Variants in PDZRN3 observed in about 807,000 individuals in gnomAD.
The protein encoded by PDZRN3 is E3 ubiquitin-protein ligase PDZRN3.
In PDZRN3, 38 loss-of-function variants were observed where a neutral mutation model predicts 85.7. The ratio of observed to expected loss-of-function variants is 0.44; its 90% CI spans 0.34 to 0.58. The LOEUF (loss-of-function observed/expected upper bound fraction) is 0.58, where lower values mean the gene tolerates loss of function less well. Among genes scored for constraint, PDZRN3 ranks in the 20% least tolerant of loss-of-function variants. The pLI, the probability that PDZRN3 is intolerant of heterozygous loss-of-function variation, is 0.01. For synonymous variants in PDZRN3, 759 were observed against 638.0 expected (o/e 1.19, Z -2.86); for missense variants, 1,629 against 1,506.4 (o/e 1.08, Z -1.35).
intron 3 of PDZRN3, among the ~76,000 whole-genome samples, chr3:73,556,291 T>A (rs1274395141): frequency 6.6e-6 from 1 of 151,992 alleles, no homozygotes; most frequent in African/African-American, 2.4e-5. Context: ...ACTAAGGATA[T>A]AAAAGTTATA....
rs777378197 is a variant in PDZRN3, at chr3:73,383,964, A to T, written c.2602T>A (p.Tyr868Asn). 19 of 1,598,306 alleles carry T rather than the reference A, an allele frequency of 1.2e-5. No individual in the cohort carries two copies. In the African/African-American group the frequency reaches 2.0e-4, roughly 17 times the overall value. Residue 868 changes from tyrosine (Y) to asparagine (N), a missense_variant, in exon 10 of 10, where the codon TAC (tyrosine) becomes AAC (asparagine). Physicochemically the swap from Tyr to Asn is moderately radical, Grantham distance 143. Transcript: ENST00000263666. ...TGCGCCGGGATGTGCGCGTGCTTGT[A>T]TGGGGAGTGGTGATAGGAGGGCAGG... Reference protein sequence around the residue: ...AYLPSYHHSPYKHAHIPAHAQ... With the variant: ...AYLPSYHHSPNKHAHIPAHAQ...
At chr3:73,397,355 G>C (rs1701660378) in intron 5 of PDZRN3, among the ~76,000 whole-genome samples, 1 of 152,142 alleles carries the variant, frequency 6.6e-6, no homozygotes, top group Admixed American at 6.5e-5. Flanking sequence ...TGTTGAGATT[G>C]GCCCCTTACT....
chr3:73,546,747 T>C (rs1356745496), intron 3 of PDZRN3, among the ~76,000 whole-genome samples: 1 of 152,234 alleles, frequency 6.6e-6, no homozygotes, highest in East Asian at 1.9e-4. Context: ...TTAAATGCAG[T>C]GTCTTCACGC....
chr3:73,605,487 A>C (rs1037777972), intron 2 of PDZRN3, among the ~76,000 whole-genome samples: 9 of 152,220 alleles, frequency 5.9e-5, no homozygotes, highest in African/African-American at 2.2e-4. Context: ...AGGACTAACA[A>C]ATGAATGATA....
At chr3:73,434,441 A>G (rs571365313) in intron 3 of PDZRN3, among the ~76,000 whole-genome samples, 11 of 152,222 alleles carry the variant, frequency 7.2e-5, no homozygotes, top group Non-Finnish European at 1.3e-4. Flanking sequence ...TATGAATAAA[A>G]TATAAAAATT....
chr3:73,600,439 G>GA (rs1702500276), intron 3 of PDZRN3, among the ~76,000 whole-genome samples: 1 of 151,180 alleles, frequency 6.6e-6, no homozygotes, highest in South Asian at 2.1e-4. Context: ...CATATTTTCA[G>GA]TCATGGGAAT....
chr3:73,396,852 T>C (rs902357244), intron 5 of PDZRN3, among the ~76,000 whole-genome samples: 9 of 151,994 alleles, frequency 5.9e-5, no homozygotes, highest in African/African-American at 2.2e-4. Flanking sequence ...AGAGCAGGTG[T>C]TCAGTGCCTG....
At chr3:73,536,957 T>C (rs1380618578) in intron 3 of PDZRN3, among the ~76,000 whole-genome samples, 1 of 152,156 alleles carries the variant, frequency 6.6e-6, no homozygotes, top group East Asian at 1.9e-4. Flanking sequence ...TCCTATTTTG[T>C]ACTCAGACTG....
chr3:73,536,798 C>T (rs995749412), intron 3 of PDZRN3, among the ~76,000 whole-genome samples: 2 of 151,850 alleles, frequency 1.3e-5, no homozygotes, highest in Admixed American at 1.3e-4. Context: ...AGGAAATGGA[C>T]TCTGAGATAA....
intron 3 of PDZRN3, among the ~76,000 whole-genome samples, chr3:73,549,744 T>C (rs372400549): frequency 2.4e-4 from 36 of 152,320 alleles, no homozygotes; most frequent in Admixed American, 1.1e-3. Context: ...CTGCCCTCTT[T>C]AGGGGATCAA....
intron 3 of PDZRN3, among the ~76,000 whole-genome samples, chr3:73,447,708 T>C (rs1236670316): frequency 1.3e-5 from 2 of 152,182 alleles, no homozygotes; most frequent in Non-Finnish European, 2.9e-5. Flanking sequence ...GATAATTCAG[T>C]TGCAGTCCAA....
intron 3 of PDZRN3, among the ~76,000 whole-genome samples, chr3:73,505,342 T>C (rs567759722): frequency 2.4e-4 from 36 of 152,328 alleles, no homozygotes; most frequent in African/African-American, 7.9e-4. Context: ...TTAAAAGTCA[T>C]AGAATTTAAT....
chr3:73,542,317 G>A (rs9310271), intron 3 of PDZRN3, among the ~76,000 whole-genome samples: 2,636 of 152,260 alleles, frequency 0.017, 69 homozygotes, highest in African/African-American at 0.06. Context: ...TGTTTACATG[G>A]TTGCCATGAG....
intron 3 of PDZRN3, among the ~76,000 whole-genome samples, chr3:73,528,650 T>C (rs1215511805): frequency 6.6e-6 from 1 of 152,114 alleles, no homozygotes; most frequent in Non-Finnish European, 1.5e-5. Context: ...TTCACAGCCA[T>C]GTTGTGAATA....
intron 3 of PDZRN3, among the ~76,000 whole-genome samples, chr3:73,493,981 C>G (rs969657421): frequency 6.6e-6 from 1 of 152,206 alleles, no homozygotes; most frequent in African/African-American, 2.4e-5. Flanking sequence ...AGAGACCAAT[C>G]AACGTTGGAT....
chr3:73,542,598 AC>A lies in PDZRN3; in HGVS notation c.918+59755del. Among the ~76,000 whole-genome samples the A allele has an allele frequency of 3.3e-5, 5 of 152,194 alleles. No individual in the cohort carries two copies. In the Middle Eastern group the frequency reaches 0.014, roughly 414 times the overall value. ...AGACCAGCCTGGCCAACATGGTGAA[AC>A]CCTGTCTTTACCAAAAATACAAAAA... On this transcript the variant is annotated intron_variant, in intron 3 of 9. Coordinates refer to ENST00000263666, the MANE Select transcript of PDZRN3 (RefSeq NM_015009.3).
At chr3:73,609,497 T>C (rs543362128) in intron 1 of PDZRN3, among the ~76,000 whole-genome samples, 1 of 152,298 alleles carries the variant, frequency 6.6e-6, no homozygotes, top group East Asian at 1.9e-4. Context: ...TGTCACGTAA[T>C]ATTCTTTGAC....
chr3:73,565,167 T>C (rs1003162371), intron 3 of PDZRN3, among the ~76,000 whole-genome samples: 10 of 148,630 alleles, frequency 6.7e-5, no homozygotes, highest in Non-Finnish European at 1.2e-4. Context: ...CTTACTCTGT[T>C]GCCCAGGCTG....
intron 3 of PDZRN3, among the ~76,000 whole-genome samples, chr3:73,467,042 A>G (rs1387492354): frequency 1.3e-5 from 2 of 152,198 alleles, no homozygotes; most frequent in Non-Finnish European, 2.9e-5. Flanking sequence ...TATTGTCTAC[A>G]GTCATAATCT....
Sources: gnomAD v4.1 joint callset for allele counts (sites outside exome capture counted in the v4.1 genomes callset) on GRCh38, gnomAD v4.1.1 for gene constraint, MANE v1.5 for transcripts, NCBI Gene and HGNC (gene_info 2026-07-23, HGNC 2026-07-21) for gene names.